The following MAPKAP1 variants were observed in gnomAD, a reference collection of about 807,000 sequenced individuals.
MAPKAP1 encodes the protein target of rapamycin complex 2 subunit MAPKAP1.
In MAPKAP1, 20 loss-of-function variants were observed where a neutral mutation model predicts 65.7. The ratio of observed to expected loss-of-function variants is 0.30; its 90% CI spans 0.21 to 0.44. The LOEUF is 0.44. Among genes scored for constraint, MAPKAP1 ranks in the 20% least tolerant of loss-of-function variants. The pLI, the probability that MAPKAP1 is intolerant of heterozygous loss-of-function variation, is 1.00. For missense variants in MAPKAP1, 423 were observed against 648.0 expected, an observed-to-expected ratio of 0.65 and a Z score of 3.77; for synonymous variants, 222 against 244.3, an observed-to-expected ratio of 0.91 and a Z score of 0.85.
chr9:125,542,961 G>C (rs752069983), intron 7 of MAPKAP1, 98 bp downstream of exon 7: 4 of 870,284 alleles, frequency 4.6e-6, no homozygotes, highest in South Asian at 4.0e-5. Flanking sequence ...AATGACATCT[G>C]AAAGAATCTA....
At chr9:125,570,654 A>C (rs1225523078) in intron 5 of MAPKAP1, among the ~76,000 whole-genome samples, 1 of 151,790 alleles carries the variant, frequency 6.6e-6, no homozygotes, top group Non-Finnish European at 1.5e-5. Context: ...GTGTAAAGAA[A>C]GTAAAATTTG....
chr9:125,518,369 C>A (rs1829524153), intron 7 of MAPKAP1, among the ~76,000 whole-genome samples: 1 of 150,054 alleles, frequency 6.7e-6, no homozygotes, highest in African/African-American at 2.5e-5. Flanking sequence ...TCTGTAATCC[C>A]ATATTACATC....
At chr9:125,527,494 T>C (rs977571233) in intron 7 of MAPKAP1, among the ~76,000 whole-genome samples, 1 of 152,246 alleles carries the variant, frequency 6.6e-6, no homozygotes, top group African/African-American at 2.4e-5. Context: ...GTGTGATTTC[T>C]GGCACTCACC....
rs1294600027 is a variant in MAPKAP1, at chr9:125,657,781, A to G, written c.368T>C (p.Leu123Pro). Residue 123 changes from leucine to proline, a missense_variant, in exon 4 of 12, where the codon CTG becomes CCG. Transcript: ENST00000265960. Reference sequence around the variant, plus strand: ...CTCTTTGAGAGATTTTTTTTCAAACAGTGACTTTAACTCCTGGGCTGTGAT... The same window carrying G: ...CTCTTTGAGAGATTTTTTTTCAAACGGTGACTTTAACTCCTGGGCTGTGAT... ...SKQSAQELKS[L>P]FEKKSLKEKP... 6.2e-7 allele frequency: 1 copy of G among 1,613,742 alleles called. No individual in the cohort carries two copies. The highest frequency in any genetic ancestry group is 8.5e-7 in the Non-Finnish European group (1 of 1,179,846).
chr9:125,477,844 G>A (rs1344245619), intron 9 of MAPKAP1, among the ~76,000 whole-genome samples: 1 of 152,186 alleles, frequency 6.6e-6, no homozygotes, highest in African/African-American at 2.4e-5. Context: ...TAGGCACACA[G>A]GATCAGGTAT....
At chr9:125,450,388 C>A (rs528388186) in intron 10 of MAPKAP1, among the ~76,000 whole-genome samples, 1 of 152,226 alleles carries the variant, frequency 6.6e-6, no homozygotes, top group Non-Finnish European at 1.5e-5. Context: ...CTTTCCTAAC[C>A]ATTCTCGCCT....
At chr9:125,693,608 CAT>C (rs1208466215) in intron 1 of MAPKAP1, among the ~76,000 whole-genome samples, 2 of 149,602 alleles carry the variant, frequency 1.3e-5, no homozygotes, top group South Asian at 4.2e-4. Flanking sequence ...CACACATACA[CAT>C]ATATACACAC....
chr9:125,450,873 G>A (rs1373966273), intron 10 of MAPKAP1, among the ~76,000 whole-genome samples: 3 of 152,200 alleles, frequency 2.0e-5, no homozygotes, highest in African/African-American at 7.2e-5. Flanking sequence ...ACTCCCTCCT[G>A]GTTGGGTCTC....
chr9:125,685,842 G>A (rs1372587421), intron 1 of MAPKAP1, among the ~76,000 whole-genome samples: 2 of 152,084 alleles, frequency 1.3e-5, no homozygotes, highest in African/African-American at 2.4e-5. Flanking sequence ...GGGGCTGTCC[G>A]GTGAGTTTAC....
chr9:125,568,086 G>C (rs1831116288), intron 5 of MAPKAP1: 2 of 152,160 alleles, frequency 1.3e-5, no homozygotes, highest in South Asian at 4.1e-4. Flanking sequence ...TCTCTCCTAA[G>C]ACAGAGTGGG....
chr9:125,455,735 G>A (rs1299324089), intron 10 of MAPKAP1, among the ~76,000 whole-genome samples: 1 of 152,244 alleles, frequency 6.6e-6, no homozygotes, highest in Non-Finnish European at 1.5e-5. Flanking sequence ...AAAACAGGTA[G>A]TGGGCTGGAT....
intron 4 of MAPKAP1, among the ~76,000 whole-genome samples, chr9:125,591,261 C>G (rs1831954329): frequency 6.6e-6 from 1 of 152,198 alleles, no homozygotes; most frequent in Non-Finnish European, 1.5e-5. Context: ...TCCTACTCTT[C>G]AAGGCTTGAA....
intron 10 of MAPKAP1, among the ~76,000 whole-genome samples, chr9:125,450,646 C>A (rs1228098236): frequency 6.6e-6 from 1 of 152,186 alleles, no homozygotes; most frequent in Non-Finnish European, 1.5e-5. Flanking sequence ...GCTTGGGATT[C>A]TTTCTCAATT....
intron 9 of MAPKAP1, among the ~76,000 whole-genome samples, chr9:125,481,697 C>T (rs540446350): frequency 2.0e-5 from 3 of 152,114 alleles, no homozygotes; most frequent in East Asian, 1.9e-4. Context: ...GCTGGGATTA[C>T]AGACGTGAGC....
intron 10 of MAPKAP1, among the ~76,000 whole-genome samples, chr9:125,445,682 A>G (rs1015311859): frequency 4.6e-5 from 7 of 152,382 alleles, no homozygotes; most frequent in African/African-American, 1.7e-4. Context: ...CTAAACTGGC[A>G]CAAGGACTGA....
intron 1 of MAPKAP1, among the ~76,000 whole-genome samples, chr9:125,693,540 C>CATAT (rs71374292): frequency 4.1e-5 from 6 of 147,630 alleles, no homozygotes; most frequent in South Asian, 2.1e-4. Flanking sequence ...TATACACACA[C>CATAT]ATATATACAT....
At chr9:125,520,891 G>C (rs1564540374) in intron 7 of MAPKAP1, among the ~76,000 whole-genome samples, 1 of 152,186 alleles carries the variant, frequency 6.6e-6, no homozygotes, top group Admixed American at 6.5e-5. Context: ...TGACTCACCT[G>C]GACATTGGCT....
In MAPKAP1 at chr9:125,595,750, G is replaced by T; in HGVS notation, c.499-10023C>A. The T allele has an allele frequency of 7.3e-7, 1 of 1,370,922 alleles. No individual in the cohort carries two copies. Among genetic ancestry groups the T allele is most frequent in the South Asian group, 1.2e-5 (1 of 85,312 alleles). 84.9% of individuals were successfully genotyped at this position (1,370,922 alleles called of 1,614,324 possible). On this transcript the variant is annotated intron_variant, in intron 4 of 11. Transcript: ENST00000265960. The surrounding 1 kb of genome is among the most constrained non-coding windows in gnomAD (Gnocchi z 4.0). ...GGTTGAGCTTTGAAACAACCAATGA[G>T]AGCAAGAGGAGCCATTGTGAGCAAT...
intron 4 of MAPKAP1, among the ~76,000 whole-genome samples, chr9:125,586,801 C>T (rs925740595): frequency 7.9e-5 from 12 of 152,094 alleles, no homozygotes; most frequent in South Asian, 2.1e-4. Context: ...TCACAGAAAA[C>T]GAGTTCAAAT....
Sources: gnomAD v4.1 joint callset for allele counts (sites outside exome capture counted in the v4.1 genomes callset) on GRCh38, gnomAD v4.1.1 for gene constraint, Gnocchi (gnomAD v3.1) non-coding constraint, MANE v1.5 for transcripts, NCBI Gene and HGNC (gene_info 2026-07-23, HGNC 2026-07-21) for gene names.